The following KDM6B variants were observed in gnomAD, a reference collection of about 807,000 sequenced individuals.
KDM6B encodes lysine demethylase 6B, also known as lysine-specific demethylase 6B.
Under a neutral mutation model 150.4 loss-of-function variants are expected in KDM6B, and 22 were observed. The observed-to-expected ratio is 0.15, with a 90% confidence interval of 0.10 to 0.21. KDM6B has a LOEUF of 0.21. KDM6B is among the 10% of genes least tolerant of loss of function. KDM6B has a pLI of 1.00. For missense variants in KDM6B, 1,984 were observed against 2,234.3 expected, an observed-to-expected ratio of 0.89 and a Z score of 2.26; for synonymous variants, 1,148 against 921.1, an observed-to-expected ratio of 1.25 and a Z score of -4.46.
chr17:7,844,991 G>GAGT lies in KDM6B; in HGVS notation c.-178_-177insAGT. 5.4e-6 allele frequency: 1 copy of GAGT among 183,582 alleles called. No homozygotes were observed. Among genetic ancestry groups the GAGT allele is most frequent in the South Asian group, 9.3e-5 (1 of 10,806 alleles). The allele number at this position is 183,582 out of a possible 1,614,324, so 11.4% of individuals were successfully genotyped here. A position where few individuals can be genotyped will look rare whatever the true frequency, so the allele number is the denominator to read the frequency against. On this transcript the variant is annotated 5_prime_UTR_variant, in exon 3 of 24. Coordinates refer to ENST00000448097, the MANE Select transcript of KDM6B (RefSeq NM_001348716.2). The surrounding 1 kb of genome is among the most constrained non-coding windows in gnomAD (Gnocchi z 5.9). ...GGCCAGATCTCTGGAGCTTGCCGAC[G>GAGT]CGGTGTGAGGACGCTCCCACGGAGG...
Position 7,847,932 on chromosome 17 carries a change from C to G in KDM6B, c.1644C>G (p.Thr548=). 4 of 1,611,836 alleles carry G rather than the reference C, an allele frequency of 2.5e-6. No individual in the cohort carries two copies. Among genetic ancestry groups the G allele is most frequent in the Non-Finnish European group, 3.4e-6 (4 of 1,179,272 alleles). ...CTCACACCCCTCCCACTCCCCCAAC[C>G]CCAACCACCAGCAGTAGCAACAGCA... ...QDSHTPPTPP[T]PTTSSSNSNS... The change falls in exon 12 of 24, where the codon ACC becomes ACG. Residue 548 remains threonine (T), a synonymous_variant. Coordinates refer to ENST00000448097, the MANE Select transcript of KDM6B (RefSeq NM_001348716.2).
Position 7,845,567 on chromosome 17 carries a change from G to C in KDM6B, c.13G>C (p.Val5Leu), listed in dbSNP as rs149672098. ...CAACTCAGGCTGGATGCATCGGGCA[G>C]TGGACCCTCCAGGGGCCCGCGCTGC... is the stretch of plus-strand genomic sequence containing the variant. Reference protein sequence around the residue: MHRAVDPPGARAARE... With the variant: MHRALDPPGARAARE... Residue 5 changes from valine (V) to leucine (L), a missense_variant, in exon 5 of 24, where the codon GTG becomes CTG. This residue lies in a region of KDM6B where 337 missense variants were observed against 323.9 expected (regional missense o/e 1.04). Coordinates refer to ENST00000448097, the MANE Select transcript of KDM6B (RefSeq NM_001348716.2). 97 of 1,614,180 alleles carry C rather than the reference G, an allele frequency of 6.0e-5. No homozygotes were observed. Among genetic ancestry groups the C allele is most frequent in the Non-Finnish European group, 8.1e-5 (95 of 1,180,026 alleles).
At chr17:7,849,797 C>G in intron 12 of KDM6B, 24 bp from the exon 13 acceptor site, 1 of 1,612,906 alleles carries the variant, frequency 6.2e-7, no homozygotes, top group Non-Finnish European at 8.5e-7. Context: ...ATGTTTCTGT[C>G]TTCATTCCAC....
At chr17:7,852,396 G>A in intron 20 of KDM6B, 60 bp downstream of exon 20, 1 of 1,611,792 alleles carries the variant, frequency 6.2e-7, no homozygotes, top group Non-Finnish European at 8.5e-7. Context: ...GGCCTGGGAG[G>A]CTGGGGCTTG....
At position 7,847,558 on chromosome 17, in the gene KDM6B, C is replaced by T. The variant is rs368571593; in HGVS notation, c.1270C>T (p.His424Tyr). The T allele has an allele frequency of 3.1e-6, 5 of 1,613,368 alleles. No individual in the cohort carries two copies. Among genetic ancestry groups the T allele is most frequent in the Middle Eastern group, 1.6e-4 (1 of 6,062 alleles). ...TCTACACTTGCAGCCCGGCGCTGAC[C>T]ATTACCAAACTCCCGCGCTGGAGGT... ...EPNPGIPGADHYQTPALEVSH... is the reference protein window; with the variant it reads ...EPNPGIPGADYYQTPALEVSH... The change falls in exon 12 of 24, where the codon CAT becomes TAT. Residue 424 changes from histidine to tyrosine, a missense_variant. This residue lies in a region of KDM6B where 1,379 missense variants were observed against 1,275.6 expected (regional missense o/e 1.08). Transcript: ENST00000448097.
chr17:7,845,102 G>A (rs1481211246), intron 3 of KDM6B, 82 bp downstream of exon 3: 3 of 243,040 alleles, frequency 1.2e-5, no homozygotes, highest in African/African-American at 6.7e-5. Flanking sequence ...CCCTCTGACC[G>A]GCCTTTTGGT....
Position 7,849,804 on chromosome 17 carries a change from C to G in KDM6B, c.3441-17C>G, listed in dbSNP as rs2078654983. ...TCACCCTGATGTTTCTGTCTTCATT[C>G]CACTGTCCTCCCGCAGGAATGCCAA... On this transcript the variant is annotated splice_polypyrimidine_tract_variant and intron_variant, in intron 12 of 23. Coordinates refer to ENST00000448097, the MANE Select transcript of KDM6B (RefSeq NM_001348716.2). The G allele has an allele frequency of 2.5e-6, 4 of 1,612,916 alleles. No individual in the cohort carries two copies. The highest frequency in any genetic ancestry group is 3.4e-6 in the Non-Finnish European group (4 of 1,180,020).
At position 7,849,355 on chromosome 17, in the gene KDM6B, C is replaced by T. The variant is rs550501207; in HGVS notation, c.3067C>T (p.Leu1023=). The T allele has an allele frequency of 3.1e-6, 5 of 1,597,526 alleles. No homozygotes were observed. Among genetic ancestry groups the T allele is most frequent in the East Asian group, 4.6e-5 (2 of 43,726 alleles). Residue 1023 remains leucine (L), a synonymous_variant, in exon 12 of 24, where the codon CTG becomes TTG. Coordinates refer to ENST00000448097, the MANE Select transcript of KDM6B (RefSeq NM_001348716.2). ...CCGCCGGGTGCTGGGGAACCTGGACCTGCAGAGCGAGGAGATCCAGGGTCG... is the reference window on the plus strand; with the variant it reads ...CCGCCGGGTGCTGGGGAACCTGGACTTGCAGAGCGAGGAGATCCAGGGTCG... ...KSRRVLGNLD[L]QSEEIQGREK...
In KDM6B at chr17:7,834,264, C is replaced by A. The variant is rs1487958567; in HGVS notation, c.-474C>A. Among the ~76,000 whole-genome samples the A allele has an allele frequency of 6.6e-6, 1 of 151,280 alleles. No individual in the cohort carries two copies. On this transcript the variant is annotated 5_prime_UTR_variant, in exon 1 of 24. Coordinates refer to ENST00000448097, the MANE Select transcript of KDM6B (RefSeq NM_001348716.2). ...GCGCCACTGGGCGGAGCGGCCCCCC[C>A]AGCCCCGGCCTGGGAGAAGGGGGGG... is the stretch of plus-strand genomic sequence containing the variant.
rs759085327 is a variant in KDM6B at position 7,846,312 on chromosome 17, G to A, written c.456+15G>A. On this transcript the variant is annotated intron_variant, in intron 7 of 23. Coordinates refer to ENST00000448097, the MANE Select transcript of KDM6B (RefSeq NM_001348716.2). ...GACTGCAGCAGGTAGGAGAAGGCAG[G>A]GCGTGGGGGACGGGATTGTACGATT... 3.1e-6 allele frequency: 5 copies of A among 1,608,570 alleles called. No homozygotes were observed. In the South Asian group the frequency reaches 5.5e-5, roughly 18 times the overall value.
chr17:7,853,192 C>T lies in KDM6B; in HGVS notation c.4738-18C>T. The T allele has an allele frequency of 6.2e-7, 1 of 1,613,676 alleles. No homozygotes were observed. The highest frequency in any genetic ancestry group is 1.1e-5 in the South Asian group (1 of 90,992). ...GTGGCCCTCCCTCCCCCTGACTGCA[C>T]TGTCCTCCCTGCCCCAGGTGGAGGT... On this transcript the variant is annotated intron_variant, in intron 22 of 23. Coordinates refer to ENST00000448097, the MANE Select transcript of KDM6B (RefSeq NM_001348716.2).
Position 7,847,740 on chromosome 17 carries a change from C to G in KDM6B, c.1452C>G (p.Ala484=). 1 of 1,544,868 alleles carries G rather than the reference C, an allele frequency of 6.5e-7. No individual in the cohort carries two copies. Among genetic ancestry groups the G allele is most frequent in the Admixed American group, 2.0e-5 (1 of 50,906 alleles). Residue 484 remains alanine (A), a synonymous_variant, in exon 12 of 24, where the codon GCC becomes GCG. Coordinates refer to ENST00000448097, the MANE Select transcript of KDM6B (RefSeq NM_001348716.2). ...PRLLRPPPPP[A]WLKGPACRAA... ...TCTTACGCCCCCCACCACCCCCTGCCTGGTTGAAGGGTCCGGCCTGCCGGG... is the reference window on the plus strand; with the variant it reads ...TCTTACGCCCCCCACCACCCCCTGCGTGGTTGAAGGGTCCGGCCTGCCGGG...
Position 7,844,021 on chromosome 17 carries a change from C to T in KDM6B, c.-268-880C>T, listed in dbSNP as rs1220769641. ...TGAGAGTGGGACAAGGGTGATGTCA[C>T]TGCCTGTCGGGCCCCGCCCTCCTCC... On this transcript the variant is annotated intron_variant, in intron 2 of 23. Coordinates refer to ENST00000448097, the MANE Select transcript of KDM6B (RefSeq NM_001348716.2). The surrounding 1 kb of genome is among the most constrained non-coding windows in gnomAD (Gnocchi z 5.9). Among the ~76,000 whole-genome samples the T allele has an allele frequency of 6.6e-6, 1 of 151,554 alleles. No individual in the cohort carries two copies. The highest frequency in any genetic ancestry group is 2.4e-5 in the African/African-American group (1 of 41,226).
rs1448976641 is a variant in KDM6B, at chr17:7,847,551, C to T, written c.1263C>T (p.Gly421=). The change falls in exon 12 of 24, where the codon GGC becomes GGT. Residue 421 remains glycine, a synonymous_variant. Transcript: ENST00000448097. ...RGVEPNPGIP[G]ADHYQTPALE... ...ACCTGCTTCTACACTTGCAGCCCGG[C>T]GCTGACCATTACCAAACTCCCGCGC... 8 of 1,613,254 alleles carry T rather than the reference C, an allele frequency of 5.0e-6. No individual in the cohort carries two copies. Among genetic ancestry groups the T allele is most frequent in the East Asian group, 4.5e-5 (2 of 44,868 alleles).
rs769067929 is a variant in KDM6B at position 7,846,942 on chromosome 17, C to T, written c.835C>T (p.Pro279Ser). Residue 279 changes from proline (P) to serine (S), a missense_variant, in exon 10 of 24, where the codon CCA becomes TCA. Around this residue, in one of 13 missense-constraint regions of KDM6B, gnomAD observed 1,379 missense variants for 1,275.6 expected, o/e 1.08. Coordinates refer to ENST00000448097, the MANE Select transcript of KDM6B (RefSeq NM_001348716.2). ...CAGCCCCCCATTTCAGCTAACCAAG[C>T]CAGGGCTGTGGAGTACCCTGCATGG... ...ATSPPFQLTK[P>S]GLWSTLHGDA... 8 of 1,392,148 alleles carry T rather than the reference C, an allele frequency of 5.7e-6. No homozygotes were observed. The South Asian group carries it at 9.0e-5, about 16-fold the overall frequency. The allele number at this position is 1,392,148 out of a possible 1,614,324, so 86.2% of individuals were successfully genotyped here.
At position 7,846,924 on chromosome 17, in the gene KDM6B, C is replaced by G; in HGVS notation, c.817C>G (p.Pro273Ala). ...PPLPGLATSP[P>A]FQLTKPGLWS... ...CCTGCCTGGCCTGGCTACCAGCCCC[C>G]CATTTCAGCTAACCAAGCCAGGGCT... is the stretch of plus-strand genomic sequence containing the variant. The change falls in exon 10 of 24, where the codon CCA becomes GCA. Residue 273 changes from proline to alanine, a missense_variant. Physicochemically the swap from Pro to Ala is conservative, Grantham distance 27. Around this residue, in one of 13 missense-constraint regions of KDM6B, gnomAD observed 1,379 missense variants for 1,275.6 expected, o/e 1.08. Coordinates refer to ENST00000448097, the MANE Select transcript of KDM6B (RefSeq NM_001348716.2). 1 of 1,575,984 alleles carries G rather than the reference C, an allele frequency of 6.3e-7. No homozygotes were observed. Among genetic ancestry groups the G allele is most frequent in the Non-Finnish European group, 8.6e-7 (1 of 1,158,974 alleles).
At position 7,847,339 on chromosome 17, in the gene KDM6B, T is replaced by C. The variant is rs1265188431; in HGVS notation, c.1144T>C (p.Cys382Arg). ...SSVSPAATTA[C>R]VPYAPSRPPG... ...CGTTTCACCAGCAGCAACCACCGCCTGCGTGCCTTACGCCCCTTCCCGGCC... is the reference window on the plus strand; with the variant it reads ...CGTTTCACCAGCAGCAACCACCGCCCGCGTGCCTTACGCCCCTTCCCGGCC... The change falls in exon 11 of 24, where the codon TGC becomes CGC. Residue 382 changes from cysteine (C) to arginine (R), a missense_variant. Cys to Arg is a radical substitution (Grantham distance 180). Coordinates refer to ENST00000448097, the MANE Select transcript of KDM6B (RefSeq NM_001348716.2). The C allele has an allele frequency of 1.2e-6, 2 of 1,610,726 alleles. No homozygotes were observed. The highest frequency in any genetic ancestry group is 1.7e-5 in the Admixed American group (1 of 60,006).
chr17:7,844,923 G>T lies in KDM6B; in HGVS notation c.-246G>T, dbSNP rs573743145. On this transcript the variant is annotated 5_prime_UTR_variant, in exon 3 of 24. Coordinates refer to ENST00000448097, the MANE Select transcript of KDM6B (RefSeq NM_001348716.2). This position sits in a 1 kb window ranked among gnomAD's most constrained non-coding sequence, Gnocchi z 5.9. ...CAGGCTGTTACTGAGGCGGAGACAC[G>T]GGTGATGATTGGCTTTCTGGGGAGA... is the stretch of plus-strand genomic sequence containing the variant. The T allele has an allele frequency of 3.0e-5, 5 of 166,104 alleles. No homozygotes were observed. In the East Asian group the frequency reaches 6.6e-4, roughly 22 times the overall value. 10.3% of individuals were successfully genotyped at this position (166,104 alleles called of 1,614,324 possible).
At chr17:7,840,585 TCC>T (rs1471842263) in intron 2 of KDM6B, 2 of 152,300 alleles carry the variant, frequency 1.3e-5, no homozygotes, top group East Asian at 3.8e-4. Context: ...CTTCCCTCTC[TCC>T]TTCTGTCAGT....
Sources: allele counts gnomAD v4.1 joint callset (sites outside exome capture counted in the v4.1 genomes callset), GRCh38; gene constraint gnomAD v4.1.1; regional missense constraint gnomAD v4.1.1; non-coding constraint Gnocchi (gnomAD v3.1); transcripts MANE v1.5; gene names NCBI Gene and HGNC (gene_info 2026-07-23, HGNC 2026-07-21).